The following CDH13 variants were observed in gnomAD, a reference collection of about 807,000 sequenced individuals.
CDH13 encodes the protein cadherin-13.
A neutral mutation model predicts 63.8 loss-of-function variants in CDH13; 24 were observed. The ratio of observed to expected loss-of-function variants is 0.38; its 90% CI spans 0.27 to 0.53. The LOEUF is 0.53. Among genes scored for constraint, CDH13 ranks in the 20% least tolerant of loss-of-function variants. CDH13 has a pLI of 0.85. For synonymous variants in CDH13, 503 were observed against 355.3 expected, an observed-to-expected ratio of 1.42 and a Z score of -4.67; for missense variants, 1,049 against 903.1, an observed-to-expected ratio of 1.16 and a Z score of -2.07.
At chr16:83,229,587 T>C (rs1431311999) in intron 5 of CDH13, among the ~76,000 whole-genome samples, 2 of 152,174 alleles carry the variant, frequency 1.3e-5, no homozygotes, top group Non-Finnish European at 1.5e-5. Context: ...ATTTCTTTGA[T>C]TGGTATCTGT....
intron 1 of CDH13, among the ~76,000 whole-genome samples, chr16:82,685,320 C>T (rs1307698477): frequency 1.3e-5 from 2 of 152,280 alleles, no homozygotes; most frequent in East Asian, 1.9e-4. Context: ...GCCATCTAGC[C>T]GTGTCCTCAC....
chr16:83,792,796 C>G (rs1916361615), intron 13 of CDH13, among the ~76,000 whole-genome samples: 1 of 152,208 alleles, frequency 6.6e-6, no homozygotes, highest in Admixed American at 6.5e-5. Context: ...GTATCCAACC[C>G]AAAACAACAT....
At chr16:83,037,189 C>T (rs369035356) in intron 3 of CDH13, among the ~76,000 whole-genome samples, 26 of 152,262 alleles carry the variant, frequency 1.7e-4, no homozygotes, top group African/African-American at 3.6e-4. Context: ...AGCTTTCTTA[C>T]GGTCATGCAT....
At chr16:83,438,550 C>G (rs2072387471) in intron 6 of CDH13, among the ~76,000 whole-genome samples, 1 of 152,228 alleles carries the variant, frequency 6.6e-6, no homozygotes, top group African/African-American at 2.4e-5. Flanking sequence ...TCTAGTACAG[C>G]TGCTAAATTC....
chr16:83,649,945 G>T (rs974333889), intron 8 of CDH13, among the ~76,000 whole-genome samples: 4 of 152,160 alleles, frequency 2.6e-5, no homozygotes, highest in African/African-American at 9.7e-5. Context: ...GAAAATGGAT[G>T]ACATGCCATT....
chr16:82,971,433 A>G (rs1475558541), intron 2 of CDH13, among the ~76,000 whole-genome samples: 1 of 152,216 alleles, frequency 6.6e-6, no homozygotes, highest in Non-Finnish European at 1.5e-5. Flanking sequence ...AAGGTTTCCA[A>G]CAACCCTGTG....
chr16:83,053,112 T>A (rs4315313), intron 3 of CDH13, among the ~76,000 whole-genome samples: 1 of 151,968 alleles, frequency 6.6e-6, no homozygotes, highest in African/African-American at 2.4e-5. Context: ...AGATAATTCA[T>A]GTGAGGCTCT....
intron 5 of CDH13, among the ~76,000 whole-genome samples, chr16:83,264,949 T>C (rs182149342): frequency 1.4e-3 from 216 of 152,354 alleles, no homozygotes; most frequent in Non-Finnish European, 2.6e-3. Context: ...TAAATAATTA[T>C]ATGAAATACG....
chr16:82,967,054 T>C (rs1373043927), intron 2 of CDH13, among the ~76,000 whole-genome samples: 1 of 152,200 alleles, frequency 6.6e-6, no homozygotes. Flanking sequence ...AAGTTCTTCA[T>C]CTTTGTTCTG....
At chr16:83,242,052 G>A (rs1904509913) in intron 5 of CDH13, among the ~76,000 whole-genome samples, 1 of 152,080 alleles carries the variant, frequency 6.6e-6, no homozygotes. Flanking sequence ...TTTTGCTTGT[G>A]GATATTCAGT....
intron 10 of CDH13, among the ~76,000 whole-genome samples, chr16:83,711,003 C>T (rs754856623): frequency 5.9e-5 from 9 of 152,144 alleles, no homozygotes; most frequent in Non-Finnish European, 1.3e-4. Context: ...GGGGAAGCCC[C>T]GCAGGCTGCT....
At chr16:83,740,773 G>A (rs149859968) in intron 10 of CDH13, among the ~76,000 whole-genome samples, 169 of 152,288 alleles carry the variant, frequency 1.1e-3, no homozygotes, top group African/African-American at 3.8e-3. Flanking sequence ...TACATGAAAG[G>A]CAAGGCAAGA....
At chr16:83,782,542 C>T (rs1217769564) in intron 12 of CDH13, among the ~76,000 whole-genome samples, 1 of 152,066 alleles carries the variant, frequency 6.6e-6, no homozygotes, top group Non-Finnish European at 1.5e-5. Context: ...TTGAGACCAG[C>T]ATGGCCAATA....
intron 4 of CDH13, among the ~76,000 whole-genome samples, chr16:83,132,218 T>G (rs1331173294): frequency 6.6e-6 from 1 of 152,052 alleles, no homozygotes; most frequent in Admixed American, 6.6e-5. Context: ...CCCCAGCACC[T>G]CTCCATCACC....
intron 2 of CDH13, among the ~76,000 whole-genome samples, chr16:82,983,094 C>G (rs1187981406): frequency 6.6e-6 from 1 of 152,120 alleles, no homozygotes. Flanking sequence ...CTTTCCTCAC[C>G]AAAGACTTCA....
intron 5 of CDH13, among the ~76,000 whole-genome samples, chr16:83,322,561 G>A (rs984946756): frequency 6.6e-6 from 1 of 151,736 alleles, no homozygotes; most frequent in African/African-American, 2.4e-5. Flanking sequence ...AAATAATTGA[G>A]GTTCTTATGG....
chr16:83,724,194 GGT>G (rs1567552032), intron 10 of CDH13, among the ~76,000 whole-genome samples: 6 of 110,030 alleles, frequency 5.5e-5, no homozygotes, highest in Admixed American at 1.9e-4. Context: ...TGCATGGGTG[GGT>G]GATGAATGCA....
At chr16:82,746,954 G>A (rs184881658) in intron 1 of CDH13, among the ~76,000 whole-genome samples, 193 of 152,314 alleles carry the variant, frequency 1.3e-3, no homozygotes, top group African/African-American at 4.4e-3. Context: ...ATTCCTGACA[G>A]TGAAAATTGC....
At position 82,704,141 on chromosome 16, in the gene CDH13, CAAAT is replaced by C. The variant is rs1192076660; in HGVS notation, c.45+77008_45+77011del. 2.6e-5 allele frequency among the ~76,000 whole-genome samples: 4 copies of C among 151,222 alleles called. No individual in the cohort carries two copies. The East Asian group carries it at 5.9e-4, about 22-fold the overall frequency. On this transcript the variant is annotated intron_variant, in intron 1 of 13. Coordinates refer to ENST00000567109, the MANE Select transcript of CDH13 (RefSeq NM_001257.5). ...AAACTCTAAAACTGCAAGCCACAGA[CAAAT>C]AAAGAAAGAGGTGGGGGTGGGCATG...
Sources: gnomAD v4.1 joint callset for allele counts (sites outside exome capture counted in the v4.1 genomes callset) on GRCh38, gnomAD v4.1.1 for gene constraint, MANE v1.5 for transcripts, NCBI Gene and HGNC (gene_info 2026-07-23, HGNC 2026-07-21) for gene names.